The following RAP1GAP variants were observed in gnomAD, a reference collection of about 807,000 sequenced individuals.
RAP1GAP encodes the protein rap1 GTPase-activating protein 1.
Under a neutral mutation model 87.2 loss-of-function variants are expected in RAP1GAP, and 35 were observed. The observed-to-expected ratio is 0.40, with a 90% CI of 0.31 to 0.53. The LOEUF is 0.53. Among genes scored for constraint, RAP1GAP ranks in the 20% least tolerant of loss-of-function variants. The pLI, the probability that RAP1GAP is intolerant of heterozygous loss-of-function variation, is 0.48. For missense variants in RAP1GAP, 734 were observed against 898.9 expected (o/e 0.82, Z 2.35); for synonymous variants, 375 against 363.9 (o/e 1.03, Z -0.35).
intron 2 of RAP1GAP, among the ~76,000 whole-genome samples, chr1:21,644,143 G>A (rs1267671592): frequency 6.6e-6 from 1 of 152,180 alleles, no homozygotes; most frequent in Non-Finnish European, 1.5e-5. Flanking sequence ...GTCTCCTGAA[G>A]CTATAGAGGA....
intron 2 of RAP1GAP, among the ~76,000 whole-genome samples, chr1:21,648,546 G>A (rs538741804): frequency 4.8e-4 from 30 of 62,416 alleles, no homozygotes; most frequent in African/African-American, 1.4e-3. Context: ...TGTGGCCAGA[G>A]TTACATGAGA....
At position 21,601,686 on chromosome 1, in the gene RAP1GAP, G is replaced by A; in HGVS notation, c.1650C>T (p.Asn550=). The change falls in exon 20 of 25, where the codon AAC becomes AAT. Residue 550 remains asparagine (N), a splice_region_variant and synonymous_variant. Coordinates refer to ENST00000374765, the MANE Select transcript of RAP1GAP (RefSeq NM_002885.4). ...QSSPEMPTTK[N]RAETAAQRAE... ...CCCCACGTGCCCTGAGCCCCAACCT[G>A]TTCTTGGTCGTGGGCATCTCTGGGG... 1 of 1,604,062 alleles carries A rather than the reference G, an allele frequency of 6.2e-7. No individual in the cohort carries two copies. Among genetic ancestry groups the A allele is most frequent in the Non-Finnish European group, 8.5e-7 (1 of 1,173,698 alleles).
chr1:21,617,363 C>T lies in RAP1GAP; in HGVS notation c.234G>A (p.Lys78=), dbSNP rs540501969. 40 of 1,600,564 alleles carry T rather than the reference C, an allele frequency of 2.5e-5. No homozygotes were observed. Among genetic ancestry groups the T allele is most frequent in the South Asian group, 2.4e-4 (21 of 88,570 alleles). The change falls in exon 7 of 25, where the codon AAG becomes AAA. Residue 78 remains lysine (K), a synonymous_variant. Transcript: ENST00000374765. The part of the protein sequence containing the change: ...ETEPLQSPTT[K]VKLECNPTAR... ...CTGTGGGGTTGCACTCGAGCTTCAC[C>T]TTGGTTGTGGGCGACTGCAGTGGCT...
In RAP1GAP at chr1:21,611,593, C is replaced by G. The variant is rs745344768; in HGVS notation, c.714-12G>C. On this transcript the variant is annotated splice_polypyrimidine_tract_variant and intron_variant, in intron 12 of 24. Transcript: ENST00000374765. ...GGCCTCCTCGGAACCTGCCCCGGGG[C>G]CCCCCAGGCCACGCCTCAGTCTCCA... 36 of 1,613,912 alleles carry G rather than the reference C, an allele frequency of 2.2e-5. No homozygotes were observed. The highest frequency in any genetic ancestry group is 2.7e-5 in the Non-Finnish European group (32 of 1,179,946).
rs2070864841 is a variant in RAP1GAP, at chr1:21,603,405, C to T, written c.1429-492G>A. The stretch of plus-strand genomic sequence containing the variant: ...TCCCACACACTGTGCTGGGATGCCC[C>T]AGGCCCCAGAAGCCCGCCCCCAGCT... On this transcript the variant is annotated intron_variant, in intron 18 of 24. Transcript: ENST00000374765. This position sits in a 1 kb window ranked among gnomAD's most constrained non-coding sequence, Gnocchi z 6.0. 1.6e-5 allele frequency: 9 copies of T among 547,946 alleles called. No individual in the cohort carries two copies. In the South Asian group the frequency reaches 2.1e-4, roughly 13 times the overall value. The allele number at this position is 547,946 out of a possible 1,614,324, so 33.9% of individuals were successfully genotyped here.
At chr1:21,666,084 C>T (rs778329999) in intron 1 of RAP1GAP, among the ~76,000 whole-genome samples, 2 of 152,170 alleles carry the variant, frequency 1.3e-5, no homozygotes, top group Non-Finnish European at 2.9e-5. Context: ...CTCTGGCAGG[C>T]TTGGTGTGAG....
intron 1 of RAP1GAP, among the ~76,000 whole-genome samples, chr1:21,650,007 G>T (rs2096432156): frequency 6.6e-6 from 1 of 151,526 alleles, no homozygotes; most frequent in African/African-American, 2.4e-5. Flanking sequence ...GGGTTAAAGA[G>T]CCAGGAAAAG....
At position 21,596,554 on chromosome 1, in the gene RAP1GAP, G is replaced by A. The variant is rs1393241095; in HGVS notation, c.*745C>T. On this transcript the variant is annotated 3_prime_UTR_variant, in exon 25 of 25. Coordinates refer to ENST00000374765, the MANE Select transcript of RAP1GAP (RefSeq NM_002885.4). ...TACTTGTCTGTCATGTGTAGGCAGT[G>A]GACAGGGCATCGGCAGACCTGTGGC... 1.3e-5 allele frequency: 2 copies of A among 152,342 alleles called. No individual in the cohort carries two copies. The highest frequency in any genetic ancestry group is 2.4e-5 in the African/African-American group (1 of 41,464). 9.4% of individuals were successfully genotyped at this position (152,342 alleles called of 1,614,324 possible).
At chr1:21,605,920 G>T in intron 18 of RAP1GAP, 146 bp downstream of exon 18, 1 of 1,065,458 alleles carries the variant, frequency 9.4e-7, no homozygotes, top group Non-Finnish European at 1.3e-6. Flanking sequence ...CCCATGGAAA[G>T]TAGTGGCTAG....
intron 18 of RAP1GAP, among the ~76,000 whole-genome samples, chr1:21,605,329 C>A (rs766647651): frequency 3.3e-5 from 5 of 152,194 alleles, no homozygotes; most frequent in Admixed American, 3.3e-4. Context: ...CTGGCTGCTG[C>A]GGACACACAG....
At chr1:21,649,478 A>T (rs1167041708) in intron 2 of RAP1GAP, among the ~76,000 whole-genome samples, 1 of 152,200 alleles carries the variant, frequency 6.6e-6, no homozygotes, top group Non-Finnish European at 1.5e-5. Context: ...TTTAATCCCC[A>T]TTTCACAGAT....
chr1:21,667,418 T>C (rs2097401454), intron 1 of RAP1GAP, among the ~76,000 whole-genome samples: 2 of 152,132 alleles, frequency 1.3e-5, no homozygotes, highest in Admixed American at 6.5e-5. Flanking sequence ...GCAGGCACCT[T>C]GGGAAGAAGA....
chr1:21,604,828 T>C (rs183673368), intron 18 of RAP1GAP, among the ~76,000 whole-genome samples: 5 of 129,276 alleles, frequency 3.9e-5, no homozygotes, highest in East Asian at 2.3e-4. Context: ...TGGATGGAGA[T>C]AGAGGGATGG....
chr1:21,604,789 ATGG>A (rs2072657537), intron 18 of RAP1GAP, among the ~76,000 whole-genome samples: 1 of 151,276 alleles, frequency 6.6e-6, no homozygotes, highest in Non-Finnish European at 1.5e-5. Context: ...GGATGGATGG[ATGG>A]ATGGATCGGT....
chr1:21,643,511 C>T (rs7519567), intron 2 of RAP1GAP, among the ~76,000 whole-genome samples: 77,100 of 146,970 alleles, frequency 0.52, 20,101 homozygotes, highest in Middle Eastern at 0.65. Context: ...GAGCCAAGAT[C>T]GTGCCACTGC....
At chr1:21,612,646 A>C (rs912041679) in intron 10 of RAP1GAP, among the ~76,000 whole-genome samples, 4 of 152,186 alleles carry the variant, frequency 2.6e-5, no homozygotes, top group Admixed American at 1.3e-4. Flanking sequence ...ACACTGCTCC[A>C]GAATTCAGTC....
rs1201232029 is a variant in RAP1GAP, at chr1:21,609,776, G to C, written c.1000-130C>G. Reference sequence around the variant, plus strand: ...GAGACCCAGTGACTGTGGGCTGGATGAATCTTTCTTCCAGAGATTTCTGCC... The same window carrying C: ...GAGACCCAGTGACTGTGGGCTGGATCAATCTTTCTTCCAGAGATTTCTGCC... On this transcript the variant is annotated intron_variant, in intron 14 of 24. Transcript: ENST00000374765. The surrounding 1 kb of genome is among the most constrained non-coding windows in gnomAD (Gnocchi z 4.4). 2.9e-6 allele frequency: 2 copies of C among 690,104 alleles called. No homozygotes were observed. Among genetic ancestry groups the C allele is most frequent in the Non-Finnish European group, 4.7e-6 (2 of 425,106 alleles). The allele number at this position is 690,104 out of a possible 1,614,324, so 42.7% of individuals were successfully genotyped here. A position where few individuals can be genotyped will look rare whatever the true frequency, so the allele number is the denominator to read the frequency against.
chr1:21,609,567 C>G lies in RAP1GAP; in HGVS notation c.1071+8G>C. ...TGCTCTGCCCATGACTGGGGGGGTG[C>G]CCCTCACCTTCCTGAACACAGCGGG... On this transcript the variant is annotated splice_region_variant and intron_variant, in intron 15 of 24. Transcript: ENST00000374765. This position sits in a 1 kb window ranked among gnomAD's most constrained non-coding sequence, Gnocchi z 4.4. 3 of 1,510,396 alleles carry G rather than the reference C, an allele frequency of 2.0e-6. No individual in the cohort carries two copies. The highest frequency in any genetic ancestry group is 2.7e-5 in the South Asian group (2 of 74,540). 93.6% of individuals were successfully genotyped at this position (1,510,396 alleles called of 1,614,324 possible).
At chr1:21,614,787 G>C (rs1425028469) in intron 7 of RAP1GAP, among the ~76,000 whole-genome samples, 1 of 152,170 alleles carries the variant, frequency 6.6e-6, no homozygotes, top group Non-Finnish European at 1.5e-5. Context: ...GAAGTTCAGG[G>C]AGACACCACC....
Sources: gnomAD v4.1 joint callset for allele counts (sites outside exome capture counted in the v4.1 genomes callset) on GRCh38, gnomAD v4.1.1 for gene constraint, Gnocchi (gnomAD v3.1) non-coding constraint, MANE v1.5 for transcripts, NCBI Gene and HGNC (gene_info 2026-07-23, HGNC 2026-07-21) for gene names.